CPEB3: variants seen among roughly 807,000 people sequenced by gnomAD.
CPEB3 encodes the protein cytoplasmic polyadenylation element binding protein 3.
Under a neutral mutation model 67.2 loss-of-function variants are expected in CPEB3, and 20 were observed. The observed-to-expected ratio is 0.30, with a 90% confidence interval of 0.21 to 0.43. The LOEUF (loss-of-function observed/expected upper bound fraction) is 0.43, where lower values mean the gene tolerates loss of function less well. Ranked by LOEUF, CPEB3 falls within the 20% of genes least tolerant of loss-of-function variation. The pLI, the probability that CPEB3 is intolerant of heterozygous loss-of-function variation, is 1.00. For missense variants in CPEB3, 746 were observed against 968.6 expected (o/e 0.77, Z 3.05); for synonymous variants, 376 against 393.1 (o/e 0.96, Z 0.51).
intron 1 of CPEB3, among the ~76,000 whole-genome samples, chr10:92,289,734 T>TAA (rs1564936611): frequency 6.1e-5 from 3 of 48,954 alleles, no homozygotes; most frequent in Non-Finnish European, 1.1e-4. Context: ...AAAAAAAAAA[T>TAA]ATATATATAT....
intron 4 of CPEB3, among the ~76,000 whole-genome samples, chr10:92,162,088 C>T (rs946400241): frequency 2.8e-4 from 42 of 152,170 alleles, no homozygotes; most frequent in African/African-American, 1.0e-3. Flanking sequence ...TCTACTCCCT[C>T]TAAGAACTTT....
intron 2 of CPEB3, among the ~76,000 whole-genome samples, chr10:92,202,176 T>C (rs1414757938): frequency 6.6e-6 from 1 of 152,090 alleles, no homozygotes; most frequent in Non-Finnish European, 1.5e-5. Context: ...GAATGCAAAA[T>C]GGCACAGCCA....
intron 6 of CPEB3, among the ~76,000 whole-genome samples, chr10:92,125,163 A>G (rs1490956535): frequency 2.6e-5 from 4 of 152,244 alleles, no homozygotes; most frequent in Admixed American, 1.3e-4. Context: ...AGTGGGTGGG[A>G]ATCATTAGTG....
At chr10:92,109,149 T>C (rs1442918701) in intron 7 of CPEB3, among the ~76,000 whole-genome samples, 1 of 152,148 alleles carries the variant, frequency 6.6e-6, no homozygotes, top group Admixed American at 6.5e-5. Context: ...ACCTTAAACC[T>C]TCCCAGCTCA....
At chr10:92,233,003 CT>C (rs961717089) in intron 2 of CPEB3, among the ~76,000 whole-genome samples, 1 of 152,126 alleles carries the variant, frequency 6.6e-6, no homozygotes, top group African/African-American at 2.4e-5. Flanking sequence ...ACCAATCCCT[CT>C]TTTAAATAGA....
At chr10:92,131,250 C>A (rs1295789387) in intron 6 of CPEB3, among the ~76,000 whole-genome samples, 1 of 152,172 alleles carries the variant, frequency 6.6e-6, no homozygotes, top group East Asian at 1.9e-4. Flanking sequence ...CTAACCTCAG[C>A]TATAAAATGA....
intron 4 of CPEB3, among the ~76,000 whole-genome samples, chr10:92,162,872 C>T (rs1847557740): frequency 1.3e-5 from 2 of 152,100 alleles, no homozygotes; most frequent in South Asian, 2.1e-4. Context: ...ATTTTTAGAA[C>T]CTTTTTAGGT....
rs574644434 is a variant in CPEB3, at chr10:92,047,711, A to G, written c.*4501T>C. The G allele has an allele frequency of 1.3e-5, 2 of 152,350 alleles. No homozygotes were observed. Among genetic ancestry groups the G allele is most frequent in the South Asian group, 4.1e-4 (2 of 4,832 alleles). The allele number at this position is 152,350 out of a possible 1,614,324, so 9.4% of individuals were successfully genotyped here. On this transcript the variant is annotated 3_prime_UTR_variant, in exon 10 of 10. Transcript: ENST00000265997. Reference sequence around the variant, plus strand: ...ATTTGAGTTAAAATTTTACATCACAACTTGATCTAATCTATATATTATTTA... The same window carrying G: ...ATTTGAGTTAAAATTTTACATCACAGCTTGATCTAATCTATATATTATTTA...
intron 1 of CPEB3, among the ~76,000 whole-genome samples, chr10:92,276,999 C>A (rs1224705441): frequency 6.6e-6 from 1 of 152,136 alleles, no homozygotes; most frequent in Middle Eastern, 3.2e-3. Context: ...GAGATATATC[C>A]ATTCAGATCC....
chr10:92,105,317 G>A (rs769896170), intron 7 of CPEB3, among the ~76,000 whole-genome samples: 1 of 152,192 alleles, frequency 6.6e-6, no homozygotes, highest in Non-Finnish European at 1.5e-5. Context: ...CAATCAAGGT[G>A]TTCTATAACT....
chr10:92,240,429 C>T, intron 1 of CPEB3, 68 bp from the exon 2 acceptor site: 1 of 1,370,658 alleles, frequency 7.3e-7, no homozygotes, highest in Non-Finnish European at 9.5e-7. Flanking sequence ...CTGAAGCGGG[C>T]GGGTGTTTCA....
At chr10:92,245,082 ATCT>A (rs1357554666) in intron 1 of CPEB3, among the ~76,000 whole-genome samples, 1 of 151,576 alleles carries the variant, frequency 6.6e-6, no homozygotes, top group Non-Finnish European at 1.5e-5. Flanking sequence ...GCATACTGTA[ATCT>A]TTGTTTCTAG....
chr10:92,241,167 C>T (rs1236303615), intron 1 of CPEB3, among the ~76,000 whole-genome samples: 1 of 152,130 alleles, frequency 6.6e-6, no homozygotes, highest in Non-Finnish European at 1.5e-5. Context: ...ATTTTCTTGT[C>T]TCCAATTCTG....
intron 8 of CPEB3, among the ~76,000 whole-genome samples, chr10:92,087,856 C>T (rs561113360): frequency 4.6e-5 from 7 of 152,284 alleles, no homozygotes; most frequent in Admixed American, 6.5e-5. Context: ...TTCCAGGTGG[C>T]AGCAGGAGGA....
chr10:92,122,815 T>C (rs558442855), intron 6 of CPEB3, among the ~76,000 whole-genome samples: 11 of 152,270 alleles, frequency 7.2e-5, no homozygotes, highest in Admixed American at 5.2e-4. Flanking sequence ...GGTGAAAACA[T>C]TGAAAACACG....
Position 92,136,993 on chromosome 10 carries a change from C to G in CPEB3, c.1453+6036G>C, listed in dbSNP as rs563900609. 31 of 206,206 alleles carry G rather than the reference C, an allele frequency of 1.5e-4. No individual in the cohort carries two copies. In the South Asian group the frequency reaches 2.8e-3, roughly 19 times the overall value. The allele number at this position is 206,206 out of a possible 1,614,324, so 12.8% of individuals were successfully genotyped here. ...TCTTGGAATCCCTCCTCCATGGCAT[C>G]TATGCCTATGGTTTTGAGAAGTCCT... On this transcript the variant is annotated intron_variant, in intron 6 of 9. Coordinates refer to ENST00000265997, the MANE Select transcript of CPEB3 (RefSeq NM_014912.5).
intron 1 of CPEB3, among the ~76,000 whole-genome samples, chr10:92,284,333 G>A (rs1424095370): frequency 1.3e-5 from 2 of 151,940 alleles, no homozygotes; most frequent in African/African-American, 2.4e-5. Flanking sequence ...CACCACGCCC[G>A]GCCAGAATGG....
At chr10:92,109,611 C>G (rs746820155) in intron 7 of CPEB3, among the ~76,000 whole-genome samples, 4 of 152,030 alleles carry the variant, frequency 2.6e-5, no homozygotes, top group Non-Finnish European at 5.9e-5. Flanking sequence ...TACAGACTTT[C>G]CAAACTCATA....
intron 4 of CPEB3, among the ~76,000 whole-genome samples, chr10:92,149,309 T>C (rs968534756): frequency 1.3e-5 from 2 of 152,246 alleles, no homozygotes; most frequent in Non-Finnish European, 2.9e-5. Flanking sequence ...CCTATGACCA[T>C]GTTGTCCTCT....
Sources: allele counts gnomAD v4.1 joint callset (sites outside exome capture counted in the v4.1 genomes callset), GRCh38; gene constraint gnomAD v4.1.1; transcripts MANE v1.5; gene names NCBI Gene and HGNC (gene_info 2026-07-23, HGNC 2026-07-21).